HNF4G: variants seen among roughly 807,000 people sequenced by gnomAD.
The protein encoded by HNF4G is hepatocyte nuclear factor 4 gamma, also known as hepatocyte nuclear factor 4-gamma.
In HNF4G, 21 loss-of-function variants were observed where a neutral mutation model predicts 50.9. The observed-to-expected ratio is 0.41, with a 90% CI of 0.29 to 0.59. The LOEUF (loss-of-function observed/expected upper bound fraction) is 0.59, where lower values mean the gene tolerates loss of function less well. Among genes scored for constraint, HNF4G ranks in the 20% least tolerant of loss-of-function variants. The pLI is 0.26. For missense variants in HNF4G, 527 were observed against 559.4 expected, an observed-to-expected ratio of 0.94 and a Z score of 0.58; for synonymous variants, 198 against 185.6, an observed-to-expected ratio of 1.07 and a Z score of -0.54.
In HNF4G at chr8:75,453,106, A is replaced by G. The variant is rs529165441; in HGVS notation, c.-143-36983A>G. 2.0e-5 allele frequency among the ~76,000 whole-genome samples: 3 copies of G among 152,322 alleles called. No homozygotes were observed. The East Asian group carries it at 5.8e-4, about 29-fold the overall frequency. ...GTGACAGGCTGTTCTAATATCTGTA[A>G]CCAGACTCCTTGTTTCAGGACAGTA... is the stretch of plus-strand genomic sequence containing the variant. On this transcript the variant is annotated intron_variant, in intron 1 of 10. Coordinates refer to the HNF4G transcript ENST00000354370.
At chr8:75,499,770 C>T (rs968514604) in intron 2 of HNF4G, among the ~76,000 whole-genome samples, 4 of 151,910 alleles carry the variant, frequency 2.6e-5, no homozygotes, top group South Asian at 4.2e-4. Context: ...GACAAGGGCA[C>T]CAAGACAATT....
chr8:75,411,094 G>T (rs1037831), intron 1 of HNF4G, among the ~76,000 whole-genome samples: 74,316 of 152,050 alleles, frequency 0.49, 18,440 homozygotes, highest in Middle Eastern at 0.57. Flanking sequence ...AGAGAGAAAT[G>T]AAATAACTTG....
At chr8:75,451,524 T>C (rs1811583697) in intron 1 of HNF4G, among the ~76,000 whole-genome samples, 1 of 152,226 alleles carries the variant, frequency 6.6e-6, no homozygotes, top group Non-Finnish European at 1.5e-5. Context: ...TTGTAAATGG[T>C]ATGAGATGAA....
At chr8:75,482,518 C>T (rs1452488138) in intron 1 of HNF4G, among the ~76,000 whole-genome samples, 2 of 152,116 alleles carry the variant, frequency 1.3e-5, no homozygotes, top group Non-Finnish European at 2.9e-5. Flanking sequence ...AGGCTTGCAC[C>T]ACCATGCTCA....
chr8:75,425,032 T>TC (rs1209666397), intron 1 of HNF4G, among the ~76,000 whole-genome samples: 2 of 151,920 alleles, frequency 1.3e-5, no homozygotes, highest in African/African-American at 4.8e-5. Flanking sequence ...CATTTCCTTT[T>TC]CTCTGCAGCT....
chr8:75,414,354 G>T (rs1200599504), intron 1 of HNF4G, among the ~76,000 whole-genome samples: 2 of 150,790 alleles, frequency 1.3e-5, no homozygotes, highest in African/African-American at 4.9e-5. Context: ...TTCCTTTGGG[G>T]GAGAAAAAAA....
chr8:75,487,089 G>T, intron 1 of HNF4G, among the ~76,000 whole-genome samples: 1 of 152,016 alleles, frequency 6.6e-6, no homozygotes, highest in East Asian at 1.9e-4. Flanking sequence ...TAAAAACCCA[G>T]TTTTTTACTC....
intron 1 of HNF4G, 146 bp downstream of exon 1, chr8:75,540,226 C>T: frequency 1.8e-6 from 1 of 542,002 alleles, no homozygotes. Flanking sequence ...TGAGCTTTTG[C>T]ACTTCATTAC....
At chr8:75,424,510 A>G (rs948166521) in intron 1 of HNF4G, among the ~76,000 whole-genome samples, 2 of 152,206 alleles carry the variant, frequency 1.3e-5, no homozygotes, top group African/African-American at 4.8e-5. Context: ...AATACCCAAC[A>G]GGAAGTTTTT....
At chr8:75,532,506 T>A (rs1031974625) in intron 2 of HNF4G, among the ~76,000 whole-genome samples, 53 of 152,204 alleles carry the variant, frequency 3.5e-4, no homozygotes, top group African/African-American at 1.2e-3. Flanking sequence ...TTCCAGTGCT[T>A]ACTTTTTATA....
chr8:75,466,500 C>T (rs993073255), intron 1 of HNF4G, among the ~76,000 whole-genome samples: 1 of 150,982 alleles, frequency 6.6e-6, no homozygotes, highest in Non-Finnish European at 1.5e-5. Context: ...GTCCCTTCCT[C>T]CCTCTCTCCC....
rs1807273215 is a variant in HNF4G at position 75,560,404 on chromosome 8, C to A, written c.1184C>A (p.Pro395Gln). Residue 395 changes from proline (P) to glutamine (Q), a missense_variant, in exon 9 of 10, where the codon CCA (proline) becomes CAA (glutamine). Around this residue, in one of 5 missense-constraint regions of HNF4G, gnomAD observed 308 missense variants for 301.5 expected, o/e 1.02. Coordinates refer to ENST00000396423, the MANE Select transcript of HNF4G (RefSeq NM_004133.5). Reference protein sequence around the residue: ...HPMHPHLSQDPLTGQTILLGP... With the variant: ...HPMHPHLSQDQLTGQTILLGP... The stretch of plus-strand genomic sequence containing the variant: ...ATGCATCCACATTTGTCTCAAGACC[C>A]ATTAACTGGACAAACTATACTTTTA... 6 of 1,613,008 alleles carry A rather than the reference C, an allele frequency of 3.7e-6. No individual in the cohort carries two copies. Among genetic ancestry groups the A allele is most frequent in the Non-Finnish European group, 5.1e-6 (6 of 1,179,196 alleles).
intron 3 of HNF4G, among the ~76,000 whole-genome samples, chr8:75,550,572 G>A (rs558684700): frequency 4.9e-4 from 75 of 152,162 alleles, no homozygotes; most frequent in African/African-American, 1.7e-3. Flanking sequence ...TGGGATTACA[G>A]ACTTGAACCA....
chr8:75,522,040 A>G (rs1806056756), intron 2 of HNF4G, among the ~76,000 whole-genome samples: 2 of 152,226 alleles, frequency 1.3e-5, no homozygotes, highest in South Asian at 2.1e-4. Context: ...GTTTATTGGG[A>G]CACGTTTCCT....
At chr8:75,551,730 G>A (rs984673212) in intron 4 of HNF4G, among the ~76,000 whole-genome samples, 1 of 152,100 alleles carries the variant, frequency 6.6e-6, no homozygotes, top group African/African-American at 2.4e-5. Flanking sequence ...GTCTAAGATT[G>A]TTTTTTAAAA....
chr8:75,535,679 A>G (rs910633946), upstream of HNF4G, among the ~76,000 whole-genome samples: 18 of 151,972 alleles, frequency 1.2e-4, no homozygotes, highest in African/African-American at 3.6e-4. Flanking sequence ...TTACAGTAAA[A>G]TGTTTTTATA....
chr8:75,410,860 T>C (rs1176922958), intron 1 of HNF4G, among the ~76,000 whole-genome samples: 1 of 152,188 alleles, frequency 6.6e-6, no homozygotes, highest in East Asian at 1.9e-4. Context: ...GACACTCATA[T>C]AGAGACATAA....
intron 1 of HNF4G, among the ~76,000 whole-genome samples, chr8:75,435,181 A>G (rs1037799704): frequency 6.6e-6 from 1 of 152,336 alleles, no homozygotes; most frequent in South Asian, 2.1e-4. Context: ...GGAAAGAAAA[A>G]CTAAATTTGT....
intron 1 of HNF4G, among the ~76,000 whole-genome samples, chr8:75,409,131 T>A (rs1302642142): frequency 6.6e-6 from 1 of 152,186 alleles, no homozygotes; most frequent in East Asian, 1.9e-4. Flanking sequence ...AGTGTTGGGC[T>A]CTTTCCTGGT....
Sources: allele counts gnomAD v4.1 joint callset (sites outside exome capture counted in the v4.1 genomes callset), GRCh38; gene constraint gnomAD v4.1.1; regional missense constraint gnomAD v4.1.1; transcripts MANE v1.5; gene names NCBI Gene and HGNC (gene_info 2026-07-23, HGNC 2026-07-21).